The following HDAC4 variants were observed in gnomAD, a reference collection of about 807,000 sequenced individuals.
The protein encoded by HDAC4 is histone deacetylase A.
HDAC4 carries 16 observed loss-of-function variants against 135.1 expected under a neutral mutation model. The ratio of observed to expected loss-of-function variants is 0.12; its 90% CI spans 0.08 to 0.18. The LOEUF is 0.18. HDAC4 is among the 10% of genes least tolerant of loss of function. HDAC4 has a pLI of 1.00. For synonymous variants in HDAC4, 685 were observed against 653.4 expected (o/e 1.05, Z -0.74); for missense variants, 1,143 against 1,511.8 (o/e 0.76, Z 4.05).
chr2:239,095,207 C>T, intron 16 of HDAC4, 151 bp from the exon 17 acceptor site: 1 of 815,286 alleles, frequency 1.2e-6, no homozygotes, highest in South Asian at 1.5e-5. Flanking sequence ...CCCTGTGGCC[C>T]TGCTGCAGGG....
rs2052118655 is a variant in HDAC4, at chr2:239,299,464, T to C, written c.22+53214A>G. Among the ~76,000 whole-genome samples the C allele has an allele frequency of 6.6e-6, 1 of 152,218 alleles. No homozygotes were observed. On this transcript the variant is annotated intron_variant, in intron 2 of 26. Transcript: ENST00000543185. The surrounding 1 kb of genome is among the most constrained non-coding windows in gnomAD (Gnocchi z 4.0). The stretch of plus-strand genomic sequence containing the variant: ...TGATCCCCTCGCACAACCACGGCAC[T>C]GGGGTGCCGAAACCAGAAGAGACAT...
chr2:239,200,734 C>T (rs1035750010), intron 3 of HDAC4, among the ~76,000 whole-genome samples: 1 of 152,020 alleles, frequency 6.6e-6, no homozygotes, highest in Non-Finnish European at 1.5e-5. Context: ...ACAGGGGAGG[C>T]TTTCTCTGTG....
chr2:239,099,301 T>C (rs1208279364), intron 16 of HDAC4, among the ~76,000 whole-genome samples: 1 of 152,358 alleles, frequency 6.6e-6, no homozygotes, highest in South Asian at 2.1e-4. Context: ...GCCGCCATTC[T>C]GAAAGGCGTG....
intron 1 of HDAC4, among the ~76,000 whole-genome samples, chr2:239,359,918 T>C (rs1693750122): frequency 6.6e-6 from 1 of 152,072 alleles, no homozygotes; most frequent in South Asian, 2.1e-4. Context: ...GAACACAGAG[T>C]ACTTGAGCCA....
chr2:239,217,272 G>T (rs1049648884), intron 3 of HDAC4, among the ~76,000 whole-genome samples: 2 of 152,050 alleles, frequency 1.3e-5, no homozygotes, highest in South Asian at 4.2e-4. Context: ...CTTCATGGTG[G>T]ATAATCAAGC....
Position 239,049,873 on chromosome 2 carries a change from G to C in HDAC4, c.*3224C>G, listed in dbSNP as rs550320327. 6.6e-6 allele frequency: 1 copy of C among 152,620 alleles called. No individual in the cohort carries two copies. The highest frequency in any genetic ancestry group is 2.1e-4 in the South Asian group (1 of 4,834). The allele number at this position is 152,620 out of a possible 1,614,324, so 9.5% of individuals were successfully genotyped here. Reference sequence around the variant, plus strand: ...GGCGGGAAGCCGCGAGGGCAGGGCAGACGCCAAGAGGCCCAGTGGCGTCAT... The same window carrying C: ...GGCGGGAAGCCGCGAGGGCAGGGCACACGCCAAGAGGCCCAGTGGCGTCAT... On this transcript the variant is annotated 3_prime_UTR_variant, in exon 27 of 27. Transcript: ENST00000543185.
chr2:239,396,325 G>T lies in HDAC4; in HGVS notation c.-220+4653C>A, dbSNP rs560557932. Among the ~76,000 whole-genome samples, 13 of 152,130 alleles carry T rather than the reference G, an allele frequency of 8.5e-5. 1 individual carries two copies. The highest frequency in any genetic ancestry group is 3.4e-3 in the Middle Eastern group (1 of 292). On this transcript the variant is annotated intron_variant, in intron 1 of 26. Transcript: ENST00000543185. ...ATATGGGTCTCTCCAGAGAGCAAAT[G>T]ATAATAAATAACAGCCAACATTTAT...
intron 18 of HDAC4, among the ~76,000 whole-genome samples, chr2:239,089,355 G>A (rs1332635769): frequency 6.6e-6 from 1 of 152,114 alleles, no homozygotes; most frequent in Non-Finnish European, 1.5e-5. Flanking sequence ...TTGAGACGGA[G>A]TCTCACTCTG....
At chr2:239,057,772 T>C (rs1271946667) in intron 24 of HDAC4, among the ~76,000 whole-genome samples, 1 of 152,198 alleles carries the variant, frequency 6.6e-6, no homozygotes, top group Non-Finnish European at 1.5e-5. Flanking sequence ...GTGGATGTAT[T>C]ATACTTAAGG....
rs982417186 is a variant in HDAC4, at chr2:239,146,238, C to A, written c.734-1524G>T. ...CATTATTCAAAAGACAAAACAAAAC[C>A]AAAAAAAACAAGCCAAAAAACCCAA... On this transcript the variant is annotated intron_variant, in intron 7 of 26. Transcript: ENST00000543185. The surrounding 1 kb of genome is among the most constrained non-coding windows in gnomAD (Gnocchi z 4.5). Among the ~76,000 whole-genome samples the A allele has an allele frequency of 6.6e-6, 1 of 151,734 alleles. No homozygotes were observed. Among genetic ancestry groups the A allele is most frequent in the South Asian group, 2.1e-4 (1 of 4,802 alleles).
chr2:239,167,250 G>A lies in HDAC4; in HGVS notation c.491-3327C>T, dbSNP rs189703433. On this transcript the variant is annotated intron_variant, in intron 5 of 26. Transcript: ENST00000543185. The surrounding 1 kb of genome is among the most constrained non-coding windows in gnomAD (Gnocchi z 4.1). ...TACTGTGGATCCACTGGCCCTCCACGGGGGAGGGTGCGCACTCCAGGAACA... is the reference window on the plus strand; with the variant it reads ...TACTGTGGATCCACTGGCCCTCCACAGGGGAGGGTGCGCACTCCAGGAACA... Among the ~76,000 whole-genome samples the A allele has an allele frequency of 1.3e-4, 20 of 152,148 alleles. No individual in the cohort carries two copies. The East Asian group carries it at 1.4e-3, about 10-fold the overall frequency.
intron 3 of HDAC4, among the ~76,000 whole-genome samples, chr2:239,205,272 C>T (rs1575403467): frequency 6.6e-6 from 1 of 152,132 alleles, no homozygotes; most frequent in Non-Finnish European, 1.5e-5. Flanking sequence ...GAAAGCACAA[C>T]GATGCATGAA....
At chr2:239,348,919 C>T (rs1417578918) in intron 2 of HDAC4, among the ~76,000 whole-genome samples, 1 of 152,206 alleles carries the variant, frequency 6.6e-6, no homozygotes, top group Non-Finnish European at 1.5e-5. Flanking sequence ...GCAATAAAAC[C>T]GTAACACAAA....
intron 2 of HDAC4, among the ~76,000 whole-genome samples, chr2:239,311,505 C>T (rs1044889176): frequency 1.3e-5 from 2 of 152,136 alleles, no homozygotes; most frequent in East Asian, 3.9e-4. Context: ...TTACACCATC[C>T]AGTTGAAGAT....
chr2:239,102,472 G>A (rs1222970610), intron 16 of HDAC4: 5 of 401,924 alleles, frequency 1.2e-5, no homozygotes. Flanking sequence ...CTCCCTGCAG[G>A]GCAGGGCGGG....
intron 2 of HDAC4, among the ~76,000 whole-genome samples, chr2:239,351,557 T>C (rs1693157402): frequency 6.6e-6 from 1 of 152,210 alleles, no homozygotes; most frequent in Non-Finnish European, 1.5e-5. Flanking sequence ...CTTGGAATGA[T>C]CATAAACCAT....
chr2:239,354,799 A>G (rs1451759550), intron 1 of HDAC4, among the ~76,000 whole-genome samples: 1 of 152,116 alleles, frequency 6.6e-6, no homozygotes, highest in East Asian at 1.9e-4. Context: ...ATGTTTATTC[A>G]TCTCTTGGTC....
chr2:239,357,888 C>CAAAAAAA (rs71043188), intron 1 of HDAC4, among the ~76,000 whole-genome samples: 5 of 55,620 alleles, frequency 9.0e-5, no homozygotes, highest in African/African-American at 3.5e-4. Flanking sequence ...GCCTCTGTTC[C>CAAAAAAA]AAAAAAAAAA....
rs772675887 is a variant in HDAC4 at position 239,081,129 on chromosome 2, G to T, written c.2716C>A (p.Pro906Thr). The change falls in exon 22 of 27, where the codon CCC becomes ACC. Residue 906 changes from proline (P) to threonine (T), a missense_variant. By Grantham distance (38) the Pro-to-Thr change is conservative. Transcript: ENST00000543185. Reference sequence around the variant, plus strand: ...GCCAAGTACTCAGCGTCTCCCATGGGGGGGTCCAGGCCGCCGGTGAAAGCC... The same window carrying T: ...GCCAAGTACTCAGCGTCTCCCATGGTGGGGTCCAGGCCGCCGGTGAAAGCC... ...NMAFTGGLDP[P>T]MGDAEYLAAF... 1.2e-6 allele frequency: 2 copies of T among 1,613,920 alleles called. No homozygotes were observed. Among genetic ancestry groups the T allele is most frequent in the South Asian group, 1.1e-5 (1 of 91,068 alleles).
Sources: allele counts gnomAD v4.1 joint callset (sites outside exome capture counted in the v4.1 genomes callset), GRCh38; gene constraint gnomAD v4.1.1; non-coding constraint Gnocchi (gnomAD v3.1); transcripts MANE v1.5; gene names NCBI Gene and HGNC (gene_info 2026-07-23, HGNC 2026-07-21).